C1QTNF3: variants seen among roughly 807,000 people sequenced by gnomAD.
The protein encoded by C1QTNF3 is complement C1q tumor necrosis factor-related protein 3.
In C1QTNF3, 26 loss-of-function variants were observed where a neutral mutation model predicts 32.6. The ratio of observed to expected loss-of-function variants is 0.80; its 90% CI spans 0.58 to 1.11. The LOEUF (loss-of-function observed/expected upper bound fraction) is 1.11. Ranked by LOEUF, C1QTNF3 falls within the 50% of genes least tolerant of loss-of-function variation. The probability of loss-of-function intolerance (pLI) is 0.00; values close to 1 mark genes in which losing one functional copy is unlikely to be tolerated. For missense variants in C1QTNF3, 362 were observed against 398.2 expected (o/e 0.91, Z 0.77); for synonymous variants, 155 against 146.0 (o/e 1.06, Z -0.44).
chr5:34,212,451 A>C, the C1QTNF3 span, among the ~76,000 whole-genome samples: 2 of 152,010 alleles, frequency 1.3e-5, no homozygotes, highest in Non-Finnish European at 2.9e-5. Flanking sequence ...AGAAACTACC[A>C]TCACAGTGAA....
the C1QTNF3 span, among the ~76,000 whole-genome samples, chr5:34,107,012 A>AC: frequency 7.7e-5 from 6 of 78,268 alleles, 1 homozygote; most frequent in African/African-American, 4.2e-4. Flanking sequence ...AACGCTGGAA[A>AC]CCCTTTTATA....
chr5:34,077,488 T>C, the C1QTNF3 span, among the ~76,000 whole-genome samples: 1 of 151,766 alleles, frequency 6.6e-6, no homozygotes, highest in Non-Finnish European at 1.5e-5. Context: ...GTGACAAATG[T>C]CTGTAAGTTT....
intron 3 of C1QTNF3, 123 bp from the exon 4 acceptor site, chr5:34,029,006 G>C (rs567142526): frequency 8.3e-6 from 6 of 721,486 alleles, no homozygotes; most frequent in Non-Finnish European, 1.3e-5. Context: ...TCAATCTATG[G>C]AGAGAGAAAC....
At chr5:34,211,180 T>C in the C1QTNF3 span, among the ~76,000 whole-genome samples, 2 of 151,496 alleles carry the variant, frequency 1.3e-5, no homozygotes, top group African/African-American at 4.9e-5. Context: ...TAAGGAAATA[T>C]AGTTTTGAAA....
the C1QTNF3 span, among the ~76,000 whole-genome samples, chr5:34,141,204 C>T: frequency 7.2e-5 from 11 of 152,068 alleles, no homozygotes; most frequent in East Asian, 9.6e-4. Flanking sequence ...ACTGCAACTT[C>T]GCCTCCCAGG....
the C1QTNF3 span, among the ~76,000 whole-genome samples, chr5:34,088,936 GTA>G: frequency 1.6e-4 from 24 of 151,784 alleles, no homozygotes; most frequent in African/African-American, 5.8e-4. Context: ...TTTTATGCCT[GTA>G]TTTTTTTTTG....
At chr5:34,053,656 T>C in the C1QTNF3 span, among the ~76,000 whole-genome samples, 1 of 152,336 alleles carries the variant, frequency 6.6e-6, no homozygotes, top group Admixed American at 6.5e-5. Context: ...TACAACAGGA[T>C]TTTAAGAAAA....
chr5:34,095,980 G>A, the C1QTNF3 span, among the ~76,000 whole-genome samples: 2 of 151,832 alleles, frequency 1.3e-5, no homozygotes, highest in African/African-American at 4.8e-5. Flanking sequence ...AAGAAAAAGA[G>A]CCACAAAGTC....
chr5:34,105,085 T>C, the C1QTNF3 span, among the ~76,000 whole-genome samples: 2 of 152,252 alleles, frequency 1.3e-5, no homozygotes, highest in East Asian at 3.8e-4. Flanking sequence ...TTTCATCTTC[T>C]TGAGTTCTTC....
At position 34,043,020 on chromosome 5, in the gene C1QTNF3, CT is replaced by C; in HGVS notation, c.105del (p.Val36TrpfsTer5). 1 of 1,614,188 alleles carries C rather than the reference CT, an allele frequency of 6.2e-7. No individual in the cohort carries two copies. The highest frequency in any genetic ancestry group is 8.5e-7 in the Non-Finnish European group (1 of 1,180,034). The stretch of plus-strand genomic sequence containing the variant: ...TGGCTTTGCACTATTCTTGCCACCA[CT>C]TTATTAGTTCTTCCGCTCACCTCCA... Reference protein sequence around the residue: ...EYMEVSGRTNKVVARIVQSHQ... With the variant: ...EYMEVSGRTNXVVARIVQSHQ... On this transcript the variant is annotated frameshift_variant, in exon 1 of 6. Transcript: ENST00000382065. LOFTEE classifies it high-confidence loss of function.
At chr5:34,035,840 C>T in intron 1 of C1QTNF3, 82 bp from the exon 2 acceptor site, 1 of 962,962 alleles carries the variant, frequency 1.0e-6, no homozygotes, top group Admixed American at 2.4e-5. Context: ...GGCCTTGGCC[C>T]TTAGGTAAGC....
the C1QTNF3 span, among the ~76,000 whole-genome samples, chr5:34,225,559 C>G: frequency 6.6e-6 from 1 of 151,982 alleles, no homozygotes; most frequent in Non-Finnish European, 1.5e-5. Flanking sequence ...CAGCATTCGT[C>G]TGAGTATTTT....
the C1QTNF3 span, among the ~76,000 whole-genome samples, chr5:34,177,313 T>C: frequency 1.3e-5 from 2 of 152,058 alleles, no homozygotes; most frequent in East Asian, 1.9e-4. Context: ...ATTTCCATCA[T>C]TGCAAAGGTT....
chr5:34,039,884 G>C (rs969880598), intron 1 of C1QTNF3, among the ~76,000 whole-genome samples: 1 of 152,186 alleles, frequency 6.6e-6, no homozygotes, highest in African/African-American at 2.4e-5. Flanking sequence ...AGCCAACTAG[G>C]ATTGGAAGTG....
the C1QTNF3 span, among the ~76,000 whole-genome samples, chr5:34,212,759 G>T: frequency 6.7e-6 from 1 of 149,528 alleles, no homozygotes; most frequent in Non-Finnish European, 1.5e-5. Flanking sequence ...GAAACAACAG[G>T]TGCTGGAGAG....
the C1QTNF3 span, among the ~76,000 whole-genome samples, chr5:34,177,209 A>T: frequency 6.6e-6 from 1 of 152,198 alleles, no homozygotes; most frequent in Non-Finnish European, 1.5e-5. Flanking sequence ...TTTTAAATTA[A>T]ACCAAATAAA....
the C1QTNF3 span, among the ~76,000 whole-genome samples, chr5:34,103,306 T>C: frequency 6.6e-6 from 1 of 152,190 alleles, no homozygotes; most frequent in Non-Finnish European, 1.5e-5. Context: ...TTATGTTTTC[T>C]ACTTTTTAGA....
the C1QTNF3 span, among the ~76,000 whole-genome samples, chr5:34,119,841 C>T: frequency 1.3e-5 from 2 of 152,158 alleles, no homozygotes; most frequent in East Asian, 3.9e-4. Context: ...TTATGCCTAC[C>T]CAGATAATCC....
At chr5:34,039,017 G>A (rs1243044016) in intron 1 of C1QTNF3, among the ~76,000 whole-genome samples, 1 of 152,186 alleles carries the variant, frequency 6.6e-6, no homozygotes, top group Admixed American at 6.5e-5. Flanking sequence ...TAAGATCTCA[G>A]GAGTTGCGCA....
Sources: allele counts gnomAD v4.1 joint callset (sites outside exome capture counted in the v4.1 genomes callset), GRCh38; gene constraint gnomAD v4.1.1; transcripts MANE v1.5; gene names NCBI Gene and HGNC (gene_info 2026-07-23, HGNC 2026-07-21).